ATE1: variants seen among roughly 807,000 people sequenced by gnomAD.
The protein encoded by ATE1 is arginyl-tRNA--protein transferase 1.
In ATE1, 36 loss-of-function variants were observed where a neutral mutation model predicts 70.5. That is an observed-to-expected ratio of 0.51 (90% CI 0.39 to 0.67). The LOEUF is 0.67. Among genes scored for constraint, ATE1 ranks in the 30% least tolerant of loss-of-function variants. The pLI is 0.00. For missense variants in ATE1, 593 were observed against 629.5 expected, an observed-to-expected ratio of 0.94 and a Z score of 0.62; for synonymous variants, 232 against 219.3, an observed-to-expected ratio of 1.06 and a Z score of -0.51.
At position 121,743,087 on chromosome 10, in the gene ATE1, G is replaced by C. The variant is rs1432207370; in HGVS notation, c.*593C>G. On this transcript the variant is annotated 3_prime_UTR_variant, in exon 12 of 12. Coordinates refer to ENST00000224652, the MANE Select transcript of ATE1 (RefSeq NM_001001976.3). ...ATGAACAGGACTGTCCTGAACAAAT[G>C]GATACCTGATGCTAACACAAGCTCC... 6.6e-6 allele frequency: 1 copy of C among 152,212 alleles called. No individual in the cohort carries two copies. Among genetic ancestry groups the C allele is most frequent in the Non-Finnish European group, 1.5e-5 (1 of 68,104 alleles). The allele number at this position is 152,212 out of a possible 1,614,324, so 9.4% of individuals were successfully genotyped here.
At chr10:121,914,089 T>TA (rs1361627831) in intron 3 of ATE1, among the ~76,000 whole-genome samples, 196 bp from the exon 4 acceptor site, 1 of 151,982 alleles carries the variant, frequency 6.6e-6, no homozygotes, top group East Asian at 1.9e-4. Context: ...TCTTTTGAGA[T>TA]AGAGTCTCAC....
chr10:121,858,004 T>C (rs1344236588), intron 8 of ATE1, among the ~76,000 whole-genome samples: 3 of 152,326 alleles, frequency 2.0e-5, no homozygotes, highest in Non-Finnish European at 4.4e-5. Context: ...TCATTCACCA[T>C]GTGTGATTGA....
chr10:121,750,736 C>T (rs1944546378), intron 11 of ATE1, among the ~76,000 whole-genome samples: 1 of 152,212 alleles, frequency 6.6e-6, no homozygotes, highest in Non-Finnish European at 1.5e-5. Context: ...TTTACTGCTA[C>T]ATACAGCATT....
chr10:121,889,800 A>T (rs946960290), intron 7 of ATE1, among the ~76,000 whole-genome samples: 3 of 152,080 alleles, frequency 2.0e-5, no homozygotes, highest in Admixed American at 2.0e-4. Flanking sequence ...GTGACCGACC[A>T]AGACCTTGTC....
chr10:121,866,471 T>G (rs1325859923), intron 8 of ATE1, among the ~76,000 whole-genome samples: 2 of 152,218 alleles, frequency 1.3e-5, no homozygotes, highest in Non-Finnish European at 2.9e-5. Context: ...CATTAAACTT[T>G]GGATACTACT....
At chr10:121,868,759 TG>T (rs1949748572) in intron 8 of ATE1, among the ~76,000 whole-genome samples, 1 of 152,182 alleles carries the variant, frequency 6.6e-6, no homozygotes, top group Non-Finnish European at 1.5e-5. Flanking sequence ...CCGTTGATCC[TG>T]GATACTCAGA....
chr10:121,810,180 G>A (rs888726665), intron 10 of ATE1, among the ~76,000 whole-genome samples: 2 of 152,202 alleles, frequency 1.3e-5, no homozygotes, highest in African/African-American at 4.8e-5. Context: ...TAATAAGCAT[G>A]TGTAAATTAT....
At chr10:121,928,208 A>G, upstream of ATE1, 2 of 1,326,930 alleles carry the variant, frequency 1.5e-6, no homozygotes, top group African/African-American at 1.5e-5. Flanking sequence ...GCGGAGAGAC[A>G]GAGCGGGAAG....
At chr10:121,903,223 CT>C (rs1951058778) in intron 5 of ATE1, among the ~76,000 whole-genome samples, 1 of 151,538 alleles carries the variant, frequency 6.6e-6, no homozygotes, top group South Asian at 2.1e-4. Flanking sequence ...CATTCATCCA[CT>C]TCTCTGCCTT....
At chr10:121,749,070 T>G (rs938475866) in intron 11 of ATE1, among the ~76,000 whole-genome samples, 1 of 152,196 alleles carries the variant, frequency 6.6e-6, no homozygotes, top group Non-Finnish European at 1.5e-5. Context: ...GAACACACTT[T>G]GACTATAAAA....
chr10:121,749,275 T>A (rs1223183205), intron 11 of ATE1, among the ~76,000 whole-genome samples: 1 of 152,200 alleles, frequency 6.6e-6, no homozygotes, highest in Non-Finnish European at 1.5e-5. Context: ...CAAACTTAAT[T>A]TGCACATTCT....
At chr10:121,785,921 T>C (rs1190605326) in intron 11 of ATE1, among the ~76,000 whole-genome samples, 1 of 152,164 alleles carries the variant, frequency 6.6e-6, no homozygotes, top group Non-Finnish European at 1.5e-5. Flanking sequence ...TGTAAACTAC[T>C]CTGGTAAAAT....
chr10:121,810,517 G>A (rs927771612), intron 10 of ATE1, among the ~76,000 whole-genome samples: 5 of 151,974 alleles, frequency 3.3e-5, no homozygotes, highest in African/African-American at 9.6e-5. Flanking sequence ...TGATCTGCCC[G>A]CCTCAGCCTC....
At chr10:121,867,580 T>C (rs1949706636) in intron 8 of ATE1, among the ~76,000 whole-genome samples, 1 of 152,162 alleles carries the variant, frequency 6.6e-6, no homozygotes, top group African/African-American at 2.4e-5. Context: ...ACACTGATTA[T>C]AAGAAGCATT....
intron 1 of ATE1, chr10:121,926,921 T>C (rs1293163201): frequency 1.0e-6 from 1 of 985,326 alleles, no homozygotes; most frequent in Non-Finnish European, 1.2e-6. Context: ...TGCCCACAAG[T>C]AGCACTTAAT....
Position 121,785,498 on chromosome 10 carries a change from G to C in ATE1, c.1378+4671C>G, listed in dbSNP as rs1356517422. ...TCTTCCACAAACAATCAAGGTCAGA[G>C]TGGGACTTACTTTTTCTGTGGGCAT... is the stretch of plus-strand genomic sequence containing the variant. On this transcript the variant is annotated intron_variant, in intron 11 of 11. Transcript: ENST00000224652. 5.9e-5 allele frequency among the ~76,000 whole-genome samples: 9 copies of C among 152,140 alleles called. No homozygotes were observed. In the East Asian group the frequency reaches 1.7e-3, roughly 29 times the overall value.
At chr10:121,838,407 G>A (rs148487905) in intron 9 of ATE1, among the ~76,000 whole-genome samples, 2 of 151,630 alleles carry the variant, frequency 1.3e-5, no homozygotes, top group African/African-American at 4.8e-5. Context: ...GGCTCTCTAC[G>A]TCCTTCCCTA....
intron 11 of ATE1, among the ~76,000 whole-genome samples, chr10:121,757,477 G>C (rs1298874599): frequency 6.6e-6 from 1 of 152,076 alleles, no homozygotes; most frequent in South Asian, 2.1e-4. Context: ...CCATTTTCAG[G>C]CTGCTGATAA....
At chr10:121,905,530 T>C (rs1419586065) in intron 5 of ATE1, among the ~76,000 whole-genome samples, 1 of 152,162 alleles carries the variant, frequency 6.6e-6, no homozygotes, top group Non-Finnish European at 1.5e-5. Context: ...TTATAAATAC[T>C]ACGTTACTAC....
Sources: allele counts gnomAD v4.1 joint callset (sites outside exome capture counted in the v4.1 genomes callset), GRCh38; gene constraint gnomAD v4.1.1; transcripts MANE v1.5; gene names NCBI Gene and HGNC (gene_info 2026-07-23, HGNC 2026-07-21).